The following TUFT1 variants were observed in gnomAD, a reference collection of about 807,000 sequenced individuals.
The protein encoded by TUFT1 is tuftelin.
A neutral mutation model predicts 57.8 loss-of-function variants in TUFT1; 43 were observed. The observed-to-expected ratio is 0.74, with a 90% CI of 0.58 to 0.96. The LOEUF is 0.96. TUFT1 is among the 40% of genes least tolerant of loss of function. The pLI, the probability that TUFT1 is intolerant of heterozygous loss-of-function variation, is 0.00. For synonymous variants in TUFT1, 166 were observed against 176.7 expected (o/e 0.94, Z 0.48); for missense variants, 459 against 489.0 (o/e 0.94, Z 0.58).
chr1:151,543,097 T>C (rs953726234), intron 1 of TUFT1, among the ~76,000 whole-genome samples: 3 of 152,172 alleles, frequency 2.0e-5, no homozygotes, highest in African/African-American at 7.2e-5. Context: ...GTATCACATG[T>C]GGACATGGAC....
At chr1:151,552,596 T>C (rs4970960) in intron 1 of TUFT1, among the ~76,000 whole-genome samples, 146,307 of 151,482 alleles carry the variant, frequency 0.97, 70,860 homozygotes, top group East Asian at 1. Flanking sequence ...CCCAGCTACT[T>C]GGGAGGCTGA....
chr1:151,565,409 C>T (rs1666036567), intron 5 of TUFT1, among the ~76,000 whole-genome samples: 1 of 152,264 alleles, frequency 6.6e-6, no homozygotes, highest in Non-Finnish European at 1.5e-5. Flanking sequence ...GCAGCCCCTG[C>T]CTTCATTCCC....
Position 151,578,793 on chromosome 1 carries a change from C to A in TUFT1, c.891C>A (p.Ser297Arg). 1 of 1,580,748 alleles carries A rather than the reference C, an allele frequency of 6.3e-7. No homozygotes were observed. The highest frequency in any genetic ancestry group is 2.3e-5 in the East Asian group (1 of 43,382). ...ACCACTTGGATGACATGCTCAAGAG[C>A]CAGCAGCGGAAAGTCCGGCAAATGA... ...KIHHLDDMLK[S>R]QQRKVRQMIE... The change falls in exon 10 of 13, where the codon AGC becomes AGA. Residue 297 changes from serine (S) to arginine (R), a missense_variant. Physicochemically the swap from Ser to Arg is moderately radical, Grantham distance 110. Transcript: ENST00000368849.
intron 9 of TUFT1, among the ~76,000 whole-genome samples, chr1:151,576,139 G>A (rs1402121776): frequency 6.6e-6 from 1 of 152,124 alleles, no homozygotes; most frequent in Non-Finnish European, 1.5e-5. Flanking sequence ...GCTGAAGGTG[G>A]AAATTTAGAA....
intron 1 of TUFT1, among the ~76,000 whole-genome samples, chr1:151,544,378 C>A (rs1252556025): frequency 6.6e-6 from 1 of 151,934 alleles, no homozygotes; most frequent in Non-Finnish European, 1.5e-5. Context: ...CTCACTGCAA[C>A]CTCCATCTCC....
intron 2 of TUFT1, 137 bp from the exon 3 acceptor site, chr1:151,562,448 G>C (rs1571702596): frequency 1.3e-6 from 1 of 797,762 alleles, no homozygotes; most frequent in East Asian, 2.7e-5. Flanking sequence ...TTTTTGGAGA[G>C]GAAAGTCAGA....
chr1:151,562,253 G>A (rs574449419), intron 2 of TUFT1, 88 bp downstream of exon 2: 5 of 1,205,492 alleles, frequency 4.1e-6, no homozygotes, highest in South Asian at 3.9e-5. Context: ...GCCTGGAGCC[G>A]ACTCTGGTGA....
chr1:151,546,355 TA>T (rs533378535), intron 1 of TUFT1, among the ~76,000 whole-genome samples: 33 of 152,366 alleles, frequency 2.2e-4, no homozygotes, highest in African/African-American at 7.9e-4. Context: ...GAGCTTCATA[TA>T]ATTTTTTATG....
chr1:151,554,424 G>C (rs1457284940), intron 1 of TUFT1, among the ~76,000 whole-genome samples: 1 of 152,158 alleles, frequency 6.6e-6, no homozygotes, highest in South Asian at 2.1e-4. Context: ...TATTGAGACA[G>C]AGTCTTGCTC....
intron 7 of TUFT1, 93 bp downstream of exon 7, chr1:151,569,863 T>G: frequency 9.7e-7 from 1 of 1,033,730 alleles, no homozygotes; most frequent in Non-Finnish European, 1.5e-6. Context: ...CCTGTCTTTC[T>G]GGCTGAGTGC....
rs144439956 is a variant in TUFT1, at chr1:151,544,203, A to G, written c.60+3777A>G. On this transcript the variant is annotated intron_variant, in intron 1 of 12. Transcript: ENST00000368849. ...ACTATGTTGCCCAGGCTAGTCTTGA[A>G]CTCCTGGTTTAAAGTAATCTTCCTG... is the stretch of plus-strand genomic sequence containing the variant. Among the ~76,000 whole-genome samples, 174 of 150,826 alleles carry G rather than the reference A, an allele frequency of 1.2e-3. 6 individuals carry two copies. In the East Asian group the frequency reaches 0.023, roughly 20 times the overall value.
intron 1 of TUFT1, 150 bp downstream of exon 1, chr1:151,540,576 T>C (rs1665129911): frequency 2.4e-6 from 2 of 836,826 alleles, no homozygotes; most frequent in African/African-American, 1.7e-5. Context: ...TTTTATTCTT[T>C]TGCCTGCGAC....
intron 11 of TUFT1, among the ~76,000 whole-genome samples, chr1:151,580,233 G>C (rs11204851): frequency 0.021 from 3,197 of 152,302 alleles, 108 homozygotes; most frequent in African/African-American, 0.073. Flanking sequence ...GAGAAAAATG[G>C]GAGAAAGGGT....
intron 1 of TUFT1, among the ~76,000 whole-genome samples, chr1:151,552,218 A>G (rs1305620573): frequency 6.6e-6 from 1 of 152,240 alleles, no homozygotes; most frequent in Non-Finnish European, 1.5e-5. Flanking sequence ...GTTCCATTGT[A>G]TGAATATATT....
At chr1:151,568,248 C>T (rs1166945816) in intron 6 of TUFT1, among the ~76,000 whole-genome samples, 1 of 152,044 alleles carries the variant, frequency 6.6e-6, no homozygotes, top group South Asian at 2.1e-4. Context: ...TTTTGCCTCT[C>T]CACCTCCTGC....
intron 3 of TUFT1, among the ~76,000 whole-genome samples, chr1:151,563,451 A>T (rs1414875439): frequency 6.6e-6 from 1 of 152,160 alleles, no homozygotes; most frequent in South Asian, 2.1e-4. Flanking sequence ...GATCACCTAC[A>T]GTATTCAGTA....
intron 6 of TUFT1, among the ~76,000 whole-genome samples, chr1:151,569,450 C>T (rs1666180326): frequency 6.6e-6 from 1 of 152,148 alleles, no homozygotes; most frequent in African/African-American, 2.4e-5. Context: ...TAGCAGGGTT[C>T]TTTAGGGTAT....
At chr1:151,568,139 G>A (rs1447124542) in intron 6 of TUFT1, among the ~76,000 whole-genome samples, 2 of 151,994 alleles carry the variant, frequency 1.3e-5, no homozygotes, top group Non-Finnish European at 2.9e-5. Context: ...TGGCCCTCAA[G>A]TATAGGTTGA....
chr1:151,558,334 C>T (rs1275294865), intron 1 of TUFT1, among the ~76,000 whole-genome samples: 1 of 151,266 alleles, frequency 6.6e-6, no homozygotes, highest in Non-Finnish European at 1.5e-5. Context: ...CTGTCATTTC[C>T]GAAGAGAAAA....
Sources: gnomAD v4.1 joint callset for allele counts (sites outside exome capture counted in the v4.1 genomes callset) on GRCh38, gnomAD v4.1.1 for gene constraint, MANE v1.5 for transcripts, NCBI Gene and HGNC (gene_info 2026-07-23, HGNC 2026-07-21) for gene names.